Variants in KDM4C observed in about 807,000 individuals in gnomAD.
KDM4C encodes the protein lysine demethylase 4C.
A neutral mutation model predicts 129.3 loss-of-function variants in KDM4C; 81 were observed. The observed-to-expected ratio is 0.63, with a 90% CI of 0.52 to 0.75. The LOEUF (loss-of-function observed/expected upper bound fraction) is 0.75. Ranked by LOEUF, KDM4C falls within the 30% of genes least tolerant of loss-of-function variation. The pLI, the probability that KDM4C is intolerant of heterozygous loss-of-function variation, is 0.00. For missense variants in KDM4C, 1,457 were observed against 1,304.0 expected, an observed-to-expected ratio of 1.12 and a Z score of -1.81; for synonymous variants, 573 against 456.1, an observed-to-expected ratio of 1.26 and a Z score of -3.26.
chr9:6,792,300 G>A (rs1826814427), intron 1 of KDM4C, among the ~76,000 whole-genome samples: 1 of 152,068 alleles, frequency 6.6e-6, no homozygotes, highest in Non-Finnish European at 1.5e-5. Flanking sequence ...CCGAGATTGC[G>A]CCGCTGCACT....
At chr9:6,827,119 C>T (rs569784488) in intron 4 of KDM4C, among the ~76,000 whole-genome samples, 6 of 152,306 alleles carry the variant, frequency 3.9e-5, no homozygotes, top group Middle Eastern at 3.4e-3. Flanking sequence ...TGCCATTCTT[C>T]TGCAGCTTCT....
intron 4 of KDM4C, among the ~76,000 whole-genome samples, chr9:6,848,630 C>G (rs972717321): frequency 2.6e-5 from 4 of 151,994 alleles, no homozygotes; most frequent in African/African-American, 9.7e-5. Context: ...GATTGCACCA[C>G]TGCACTCCAG....
intron 4 of KDM4C, among the ~76,000 whole-genome samples, chr9:6,842,131 C>G (rs1195275610): frequency 6.6e-6 from 1 of 152,074 alleles, no homozygotes; most frequent in Non-Finnish European, 1.5e-5. Context: ...TAGTGTTGGA[C>G]AAATATATGA....
At chr9:7,151,380 G>T (rs35502660) in intron 19 of KDM4C, among the ~76,000 whole-genome samples, 2 of 151,754 alleles carry the variant, frequency 1.3e-5, no homozygotes, top group Admixed American at 6.6e-5. Context: ...GTTCAGAAAG[G>T]GTGTGTATGT....
intron 15 of KDM4C, among the ~76,000 whole-genome samples, chr9:7,031,493 A>G (rs1326187966): frequency 6.6e-6 from 1 of 152,132 alleles, no homozygotes; most frequent in Admixed American, 6.6e-5. Context: ...ACAATTAGAT[A>G]TAAGCAAACT....
At chr9:7,133,698 A>G (rs1840886662) in intron 19 of KDM4C, among the ~76,000 whole-genome samples, 2 of 152,180 alleles carry the variant, frequency 1.3e-5, no homozygotes. Context: ...AAGGGAAAAC[A>G]CAGATCCAGT....
chr9:7,174,827 G>A lies in KDM4C; in HGVS notation c.*98G>A. 1 of 1,003,756 alleles carries A rather than the reference G, an allele frequency of 1.0e-6. No homozygotes were observed. The allele number at this position is 1,003,756 out of a possible 1,614,324, so 62.2% of individuals were successfully genotyped here. A position where few individuals can be genotyped will look rare whatever the true frequency, so the allele number is the denominator to read the frequency against. Reference sequence around the variant, plus strand: ...TGTGCCGTGAGTTTTGCTGGCATAGGTGACAGGGTGTGTCTCTGACAGTGG... The same window carrying A: ...TGTGCCGTGAGTTTTGCTGGCATAGATGACAGGGTGTGTCTCTGACAGTGG... On this transcript the variant is annotated 3_prime_UTR_variant, in exon 22 of 22. Coordinates refer to ENST00000381309, the MANE Select transcript of KDM4C (RefSeq NM_015061.6).
At chr9:6,836,828 C>CT (rs902333243) in intron 4 of KDM4C, among the ~76,000 whole-genome samples, 8 of 150,950 alleles carry the variant, frequency 5.3e-5, no homozygotes, top group South Asian at 4.2e-4. Context: ...GAATTTACAA[C>CT]TTTTTTTTTA....
intron 1 of KDM4C, among the ~76,000 whole-genome samples, chr9:6,746,548 C>T (rs540248489): frequency 4.7e-5 from 7 of 149,592 alleles, no homozygotes; most frequent in East Asian, 2.0e-4. Flanking sequence ...GGATTACAGG[C>T]GTGAGCCACC....
Position 6,944,276 on chromosome 9 carries a change from A to G in KDM4C, c.922-36649A>G, listed in dbSNP as rs541942018. On this transcript the variant is annotated intron_variant, in intron 8 of 21. Coordinates refer to ENST00000381309, the MANE Select transcript of KDM4C (RefSeq NM_015061.6). ...CTAGGCAGTGCAGGAAGTGCTTAAT[A>G]TTACAGTGGTAGTTTATCCTTTAAT... 7.9e-5 allele frequency among the ~76,000 whole-genome samples: 12 copies of G among 152,336 alleles called. No individual in the cohort carries two copies. The South Asian group carries it at 8.3e-4, about 11-fold the overall frequency.
At position 6,805,688 on chromosome 9, in the gene KDM4C, A is replaced by C; in HGVS notation, c.234A>C (p.Thr78=). ...LIPAPIQQMV[T]GQSGLFTQYN... ...CAGCACCAATTCAGCAGATGGTCACAGGGCAGTCAGGACTGTTCACTCAGT... is the reference window on the plus strand; with the variant it reads ...CAGCACCAATTCAGCAGATGGTCACCGGGCAGTCAGGACTGTTCACTCAGT... Residue 78 remains threonine, a synonymous_variant, in exon 3 of 22, where the codon ACA becomes ACC. Coordinates refer to ENST00000381309, the MANE Select transcript of KDM4C (RefSeq NM_015061.6). 1 of 1,614,150 alleles carries C rather than the reference A, an allele frequency of 6.2e-7. No homozygotes were observed. The highest frequency in any genetic ancestry group is 8.5e-7 in the Non-Finnish European group (1 of 1,179,996).
intron 15 of KDM4C, among the ~76,000 whole-genome samples, chr9:7,039,464 A>G (rs1470179605): frequency 1.3e-5 from 2 of 151,888 alleles, no homozygotes; most frequent in Non-Finnish European, 2.9e-5. Context: ...TAATATACTT[A>G]TTTTTAAAAA....
chr9:7,174,789 A>C lies in KDM4C; in HGVS notation c.*60A>C. On this transcript the variant is annotated 3_prime_UTR_variant, in exon 22 of 22. Transcript: ENST00000381309. ...GGGTTGGAAGAGAGAAGATGAAGGG[A>C]CATCCTTGGGGCTGTGCCGTGAGTT... The C allele has an allele frequency of 1.4e-6, 2 of 1,455,542 alleles. No individual in the cohort carries two copies. The highest frequency in any genetic ancestry group is 1.9e-6 in the Non-Finnish European group (2 of 1,044,404). 90.2% of individuals were successfully genotyped at this position (1,455,542 alleles called of 1,614,324 possible). A position where few individuals can be genotyped will look rare whatever the true frequency, so the allele number is the denominator to read the frequency against.
upstream of KDM4C, among the ~76,000 whole-genome samples, chr9:6,756,739 G>A (rs1818313885): frequency 6.6e-6 from 1 of 152,200 alleles, no homozygotes; most frequent in Non-Finnish European, 1.5e-5. Flanking sequence ...GTCTGTGTGT[G>A]TAGCGGAACT....
intron 17 of KDM4C, among the ~76,000 whole-genome samples, chr9:7,073,444 C>G (rs1115751): frequency 1.3e-5 from 2 of 152,178 alleles, no homozygotes; most frequent in Non-Finnish European, 2.9e-5. Flanking sequence ...ATCCTGGACT[C>G]CTGACCCAAC....
chr9:7,148,761 G>T (rs192452785), intron 19 of KDM4C, among the ~76,000 whole-genome samples: 1 of 152,210 alleles, frequency 6.6e-6, no homozygotes, highest in Non-Finnish European at 1.5e-5. Flanking sequence ...CCTGAAGTGG[G>T]TAGCTCCTAT....
At chr9:7,026,877 A>C (rs1329691493) in intron 15 of KDM4C, among the ~76,000 whole-genome samples, 3 of 151,870 alleles carry the variant, frequency 2.0e-5, no homozygotes, top group Non-Finnish European at 4.4e-5. Flanking sequence ...TCCTTACAAG[A>C]CTTTGATGCA....
chr9:6,983,921 A>G (rs1304971473), intron 9 of KDM4C, among the ~76,000 whole-genome samples: 1 of 151,958 alleles, frequency 6.6e-6, no homozygotes, highest in Admixed American at 6.6e-5. Flanking sequence ...GCCCTTTTTC[A>G]AAATAATGTT....
In KDM4C at chr9:7,121,367, C is replaced by T. The variant is rs1184878302; in HGVS notation, c.2611-6699C>T. 3.3e-5 allele frequency among the ~76,000 whole-genome samples: 5 copies of T among 152,262 alleles called. No individual in the cohort carries two copies. In the East Asian group the frequency reaches 9.6e-4, roughly 29 times the overall value. ...CTTGGGCTTGTTCACACCCCAGAGT[C>T]TGAGGTTCTTAGAGAGAAAGCAGAA... On this transcript the variant is annotated intron_variant, in intron 18 of 21. Transcript: ENST00000381309.
Sources: allele counts gnomAD v4.1 joint callset (sites outside exome capture counted in the v4.1 genomes callset), GRCh38; gene constraint gnomAD v4.1.1; transcripts MANE v1.5; gene names NCBI Gene and HGNC (gene_info 2026-07-23, HGNC 2026-07-21).